Variants in ARSJ observed in about 807,000 individuals in gnomAD.
ARSJ encodes arylsulfatase family member J, also known as arylsulfatase J.
ARSJ carries 26 observed loss-of-function variants against 35.9 expected under a neutral mutation model. That is an observed-to-expected ratio of 0.72 (90% CI 0.53 to 1.00). The LOEUF (loss-of-function observed/expected upper bound fraction) is 1.00, where lower values mean the gene tolerates loss of function less well. Ranked by LOEUF, ARSJ falls within the 50% of genes least tolerant of loss-of-function variation. ARSJ has a pLI of 0.00. For synonymous variants in ARSJ, 294 were observed against 267.6 expected (o/e 1.10, Z -0.96); for missense variants, 667 against 723.6 (o/e 0.92, Z 0.90).
chr4:113,918,769 A>G (rs949183790), intron 1 of ARSJ, among the ~76,000 whole-genome samples: 1 of 152,230 alleles, frequency 6.6e-6, no homozygotes, highest in Middle Eastern at 3.4e-3. Flanking sequence ...ATCCATTGCT[A>G]ATGCTGTAGT....
rs769496210 is a variant in ARSJ at position 113,902,478 on chromosome 4, C to T, written c.1596G>A (p.Pro532=). Residue 532 remains proline, a synonymous_variant, in exon 2 of 2, where the codon CCG becomes CCA. Coordinates refer to ENST00000315366, the MANE Select transcript of ARSJ (RefSeq NM_024590.4). ...TGGGGTCTTTGGGGGGATACCTGAC[C>T]GGCACTGCAGTTTTGTTGAACTGTG... The part of the protein sequence containing the change: ...RLSQFNKTAV[P]VRYPPKDPRS... 5 of 1,614,066 alleles carry T rather than the reference C, an allele frequency of 3.1e-6. No homozygotes were observed. The highest frequency in any genetic ancestry group is 2.2e-5 in the East Asian group (1 of 44,868).
chr4:113,955,742 G>GTTTAAAAGT (rs1726140517), intron 1 of ARSJ, among the ~76,000 whole-genome samples: 2 of 152,028 alleles, frequency 1.3e-5, no homozygotes, highest in Admixed American at 1.3e-4. Flanking sequence ...AGAGCACACA[G>GTTTAAAAGT]CAAAAAACTT....
chr4:113,901,423 G>A lies in ARSJ; in HGVS notation c.*851C>T, dbSNP rs13110620. The A allele has an allele frequency of 0.62, 94,269 of 151,976 alleles. 31,993 individuals are homozygous for A. Among genetic ancestry groups the A allele is most frequent in the Non-Finnish European group, 0.76 (51,654 of 67,962 alleles). 9.4% of individuals were successfully genotyped at this position (151,976 alleles called of 1,614,324 possible). On this transcript the variant is annotated 3_prime_UTR_variant, in exon 2 of 2. Coordinates refer to ENST00000315366, the MANE Select transcript of ARSJ (RefSeq NM_024590.4). ...TTAATTTATAGTATTACAGTGCTTG[G>A]TAATTTGAAGAAATGAAATAAAATT...
Position 113,978,960 on chromosome 4 carries a change from C to T in ARSJ, c.-126G>A. The T allele has an allele frequency of 9.8e-7, 1 of 1,018,694 alleles. No individual in the cohort carries two copies. The highest frequency in any genetic ancestry group is 1.4e-6 in the Non-Finnish European group (1 of 703,168). 63.1% of individuals were successfully genotyped at this position (1,018,694 alleles called of 1,614,324 possible). A position where few individuals can be genotyped will look rare whatever the true frequency, so the allele number is the denominator to read the frequency against. The stretch of plus-strand genomic sequence containing the variant: ...GCAAGAAATCCTCCTCTCCTCTCAG[C>T]TGTCACCATGTCCGACAACTTTAAT... On this transcript the variant is annotated 5_prime_UTR_variant, in exon 1 of 2. Transcript: ENST00000315366.
At chr4:113,938,483 A>G (rs1348458340) in intron 1 of ARSJ, among the ~76,000 whole-genome samples, 1 of 152,058 alleles carries the variant, frequency 6.6e-6, no homozygotes, top group Non-Finnish European at 1.5e-5. Context: ...GCATGGGCAA[A>G]GATTTCATGA....
intron 1 of ARSJ, among the ~76,000 whole-genome samples, chr4:113,916,969 A>G (rs1225773680): frequency 1.3e-5 from 2 of 152,214 alleles, no homozygotes; most frequent in African/African-American, 2.4e-5. Flanking sequence ...GTAATTACTT[A>G]TAATCAAAAA....
At chr4:113,967,203 A>G (rs1224880803) in intron 1 of ARSJ, among the ~76,000 whole-genome samples, 3 of 152,180 alleles carry the variant, frequency 2.0e-5, no homozygotes, top group Admixed American at 2.0e-4. Flanking sequence ...TGGCTGCCAC[A>G]TCTTATTACA....
chr4:113,965,491 C>A (rs984830886), intron 1 of ARSJ, among the ~76,000 whole-genome samples: 1 of 151,964 alleles, frequency 6.6e-6, no homozygotes, highest in African/African-American at 2.4e-5. Flanking sequence ...AGCTTGATTT[C>A]TTCAAGTGTA....
At chr4:113,925,523 G>A (rs182815815) in intron 1 of ARSJ, among the ~76,000 whole-genome samples, 7 of 152,110 alleles carry the variant, frequency 4.6e-5, no homozygotes, top group African/African-American at 1.7e-4. Flanking sequence ...CGTTGTAATT[G>A]TGATTTCAAA....
intron 1 of ARSJ, among the ~76,000 whole-genome samples, chr4:113,917,454 G>C (rs931855321): frequency 4.6e-5 from 7 of 152,114 alleles, no homozygotes; most frequent in Admixed American, 4.6e-4. Context: ...AAGTGAAAAT[G>C]CATGTAAAAG....
At chr4:113,923,433 C>T (rs1462566215) in intron 1 of ARSJ, among the ~76,000 whole-genome samples, 1 of 152,020 alleles carries the variant, frequency 6.6e-6, no homozygotes, top group Non-Finnish European at 1.5e-5. Context: ...TCTACTTATT[C>T]TTCAAAAGAA....
chr4:113,909,059 T>C (rs2099669643), intron 1 of ARSJ, among the ~76,000 whole-genome samples: 3 of 151,770 alleles, frequency 2.0e-5, no homozygotes, highest in African/African-American at 4.8e-5. Context: ...GCAGTAAAAA[T>C]GGAAAGAGGT....
At chr4:113,958,194 G>C (rs1726308149) in intron 1 of ARSJ, among the ~76,000 whole-genome samples, 1 of 151,988 alleles carries the variant, frequency 6.6e-6, no homozygotes, top group South Asian at 2.1e-4. Context: ...GGAAAAGCAA[G>C]CTGAACACCA....
rs1727762234 is a variant in ARSJ at position 113,978,876 on chromosome 4, G to T, written c.-42C>A. 1.3e-6 allele frequency: 2 copies of T among 1,539,086 alleles called. No homozygotes were observed. Among genetic ancestry groups the T allele is most frequent in the Non-Finnish European group, 1.7e-6 (2 of 1,147,182 alleles). On this transcript the variant is annotated 5_prime_UTR_variant, in exon 1 of 2. Coordinates refer to ENST00000315366, the MANE Select transcript of ARSJ (RefSeq NM_024590.4). The stretch of plus-strand genomic sequence containing the variant: ...TGAGACTCCACGCGGAGAACCACGC[G>T]CCCCGCGCCGCTGCGGGCGCACACA...
chr4:113,966,799 C>A (rs549227882), intron 1 of ARSJ, among the ~76,000 whole-genome samples: 1 of 152,200 alleles, frequency 6.6e-6, no homozygotes, highest in African/African-American at 2.4e-5. Context: ...TTCTTGGGCA[C>A]TGAATGTTGC....
intron 1 of ARSJ, among the ~76,000 whole-genome samples, chr4:113,904,763 G>A (rs1420464939): frequency 1.3e-5 from 2 of 152,148 alleles, no homozygotes; most frequent in East Asian, 1.9e-4. Flanking sequence ...TGCTGGGATT[G>A]CAGGCGTGAG....
chr4:113,912,014 A>T (rs1017120623), intron 1 of ARSJ, among the ~76,000 whole-genome samples: 6 of 152,210 alleles, frequency 3.9e-5, no homozygotes, highest in Admixed American at 1.3e-4. Flanking sequence ...CACCTGCATT[A>T]AAGTTAAGAT....
chr4:113,920,941 G>C lies in ARSJ; in HGVS notation c.399-17266C>G, dbSNP rs141931214. 3.4e-4 allele frequency among the ~76,000 whole-genome samples: 52 copies of C among 152,140 alleles called. No homozygotes were observed. In the East Asian group the frequency reaches 0.01, roughly 29 times the overall value. The stretch of plus-strand genomic sequence containing the variant: ...AATACATTAAATAAAGAGCAATGGC[G>C]CTAATAATAACAGACTGGAACATTA... On this transcript the variant is annotated intron_variant, in intron 1 of 1. Transcript: ENST00000315366.
Position 113,978,481 on chromosome 4 carries a change from G to A in ARSJ, c.354C>T (p.Val118=). The A allele has an allele frequency of 2.5e-6, 4 of 1,613,964 alleles. No homozygotes were observed. Among genetic ancestry groups the A allele is most frequent in the Non-Finnish European group, 3.4e-6 (4 of 1,179,884 alleles). ...TCCTGGATGGTGTGCAAATAGGCTG[G>A]ACATAGTAGTTCTCCAGTTTAACTC... ...AEGVKLENYY[V]QPICTPSRSQ... is the part of the protein sequence containing the mutation. The change falls in exon 1 of 2, where the codon GTC becomes GTT. Residue 118 remains valine, a synonymous_variant. Transcript: ENST00000315366.
Sources: allele counts gnomAD v4.1 joint callset (sites outside exome capture counted in the v4.1 genomes callset), GRCh38; gene constraint gnomAD v4.1.1; transcripts MANE v1.5; gene names NCBI Gene and HGNC (gene_info 2026-07-23, HGNC 2026-07-21).